Variants in LYRM4 observed in about 807,000 individuals in gnomAD.
LYRM4 encodes LYR motif-containing protein 4.
Under a neutral mutation model 11.7 loss-of-function variants are expected in LYRM4, and 9 were observed. The observed-to-expected ratio is 0.77, with a 90% CI of 0.46 to 1.34. The LOEUF (loss-of-function observed/expected upper bound fraction) is 1.34, where lower values mean the gene tolerates loss of function less well. Ranked by LOEUF, LYRM4 falls within the 40% of genes most tolerant of loss-of-function variation. The pLI, the probability that LYRM4 is intolerant of heterozygous loss-of-function variation, is 0.00. For missense variants in LYRM4, 133 were observed against 112.5 expected (o/e 1.18, Z -0.82); for synonymous variants, 42 against 40.4 (o/e 1.04, Z -0.15).
chr6:5,145,060 C>T (rs1462603968), intron 2 of LYRM4, among the ~76,000 whole-genome samples: 2 of 152,186 alleles, frequency 1.3e-5, no homozygotes, highest in Admixed American at 6.5e-5. Context: ...CCAGGCCTGG[C>T]GCTGGAAGAG....
At chr6:5,044,619 C>T in the LYRM4 span, among the ~76,000 whole-genome samples, 5 of 152,054 alleles carry the variant, frequency 3.3e-5, no homozygotes, top group African/African-American at 7.2e-5. Flanking sequence ...TTTCCTTCCT[C>T]GGCCCTGATT....
chr6:5,037,566 T>C, the LYRM4 span, among the ~76,000 whole-genome samples: 4 of 81,980 alleles, frequency 4.9e-5, no homozygotes, highest in Admixed American at 1.6e-4. Flanking sequence ...GAGGGGCTCC[T>C]CACTTCCCAG....
chr6:5,083,621 A>G, the LYRM4 span, among the ~76,000 whole-genome samples: 1 of 152,176 alleles, frequency 6.6e-6, no homozygotes, highest in Non-Finnish European at 1.5e-5. Context: ...GTTGTGTCCT[A>G]TATGTAGGCA....
rs529506055 is a variant in LYRM4 at position 5,239,488 on chromosome 6, A to C, written c.86+21160T>G. 2.0e-5 allele frequency among the ~76,000 whole-genome samples: 3 copies of C among 152,190 alleles called. No individual in the cohort carries two copies. In the East Asian group the frequency reaches 5.8e-4, roughly 30 times the overall value. ...AAGGTTGGAGCCATGAGTTGTGGGC[A>C]TCTAGGGAGGGTGTGGGAAGGTCAA... On this transcript the variant is annotated intron_variant, in intron 1 of 2. Coordinates refer to ENST00000330636, the MANE Select transcript of LYRM4 (RefSeq NM_020408.6).
intron 2 of LYRM4, chr6:5,113,453 A>G: frequency 3.0e-6 from 1 of 331,148 alleles, no homozygotes; most frequent in African/African-American, 2.2e-5. Flanking sequence ...AGGTGATTCC[A>G]GCTTGGAAGG....
At chr6:5,255,500 CT>C (rs68013961) in intron 1 of LYRM4, among the ~76,000 whole-genome samples, 2 of 151,130 alleles carry the variant, frequency 1.3e-5, no homozygotes, top group East Asian at 1.9e-4. Flanking sequence ...TTTTTAAAAG[CT>C]TTTTTTTTCT....
intron 2 of LYRM4, among the ~76,000 whole-genome samples, chr6:5,149,935 T>C (rs1206802615): frequency 6.6e-6 from 1 of 152,196 alleles, no homozygotes; most frequent in South Asian, 2.1e-4. Context: ...CATCCATCAC[T>C]TTAAAATAAT....
intron 1 of LYRM4, among the ~76,000 whole-genome samples, chr6:5,237,675 C>T (rs138791796): frequency 6.6e-6 from 1 of 152,160 alleles, no homozygotes; most frequent in African/African-American, 2.4e-5. Flanking sequence ...TGAAGGATTG[C>T]CTAAAAGACA....
intron 2 of LYRM4, among the ~76,000 whole-genome samples, chr6:5,126,976 C>T (rs975916952): frequency 4.6e-5 from 7 of 152,158 alleles, no homozygotes; most frequent in African/African-American, 2.4e-5. Flanking sequence ...TTATTTGAGA[C>T]AGTCTCACTG....
chr6:5,129,982 G>T (rs1210458462), intron 2 of LYRM4, among the ~76,000 whole-genome samples: 1 of 152,216 alleles, frequency 6.6e-6, no homozygotes, highest in African/African-American at 2.4e-5. Flanking sequence ...TAAGTACTTG[G>T]AATATGCTTT....
In LYRM4 at chr6:5,136,171, G is replaced by A. The variant is rs144152091; in HGVS notation, c.208-26680C>T. On this transcript the variant is annotated intron_variant, in intron 2 of 2. Transcript: ENST00000330636. ...GTCTGTTGAGGGACACTGGGTTGCT[G>A]TTGTGAATAATACTGCTCTGAACAC... The A allele has an allele frequency of 4.7e-4, 257 of 551,998 alleles. No homozygotes were observed. In the African/African-American group the frequency reaches 5.0e-3, roughly 11 times the overall value. 34.2% of individuals were successfully genotyped at this position (551,998 alleles called of 1,614,324 possible). A position where few individuals can be genotyped will look rare whatever the true frequency, so the allele number is the denominator to read the frequency against.
At chr6:5,086,867 G>A in the LYRM4 span, 1 of 412,312 alleles carries the variant, frequency 2.4e-6, no homozygotes, top group East Asian at 4.3e-5. Flanking sequence ...TCCAAGGCCC[G>A]GAGCAGCTGC....
intron 2 of LYRM4, among the ~76,000 whole-genome samples, chr6:5,212,239 G>A (rs1166206939): frequency 6.6e-6 from 1 of 152,178 alleles, no homozygotes; most frequent in East Asian, 1.9e-4. Flanking sequence ...AATAAGCCAG[G>A]GCAGTTTACT....
Position 5,216,699 on chromosome 6 carries a change from T to C in LYRM4, c.126A>G (p.Glu42=), listed in dbSNP as rs955098565. 2.5e-6 allele frequency: 4 copies of C among 1,613,786 alleles called. No homozygotes were observed. The African/African-American group carries it at 4.0e-5, about 16-fold the overall frequency. The change falls in exon 2 of 3, where the codon GAA becomes GAG. Residue 42 remains glutamate (E), a synonymous_variant. Coordinates refer to ENST00000330636, the MANE Select transcript of LYRM4 (RefSeq NM_020408.6). Reference sequence around the variant, plus strand: ...CTACAGGATCCTTTACATTTTTATTTTCTCTGAAGGCATCTCTTATCCTCC... The same window carrying C: ...CTACAGGATCCTTTACATTTTTATTCTCTCTGAAGGCATCTCTTATCCTCC... ...AVRRIRDAFR[E]NKNVKDPVEI...
At chr6:5,085,255 C>T in the LYRM4 span, 25 of 461,854 alleles carry the variant, frequency 5.4e-5, no homozygotes, top group African/African-American at 4.9e-4. Flanking sequence ...GCGGCGTGGC[C>T]CCGGAGCCGG....
At chr6:5,123,216 C>T (rs1227521828) in intron 2 of LYRM4, among the ~76,000 whole-genome samples, 4 of 152,292 alleles carry the variant, frequency 2.6e-5, no homozygotes, top group South Asian at 2.1e-4. Context: ...ACTTGACCCT[C>T]GCTCAGCACA....
At chr6:5,158,999 C>A (rs1382636083) in intron 2 of LYRM4, among the ~76,000 whole-genome samples, 1 of 152,166 alleles carries the variant, frequency 6.6e-6, no homozygotes, top group Non-Finnish European at 1.5e-5. Context: ...GAAGGTGGAC[C>A]TCGGCTGGGC....
chr6:5,219,090 T>C lies in LYRM4; in HGVS notation c.87-2352A>G, dbSNP rs193117311. On this transcript the variant is annotated intron_variant, in intron 1 of 2. Transcript: ENST00000330636. ...TCATTTCGTATGCTGCATGGGCTTCTTGGAAAAACAAAATGGGCAACAGTA... is the reference window on the plus strand; with the variant it reads ...TCATTTCGTATGCTGCATGGGCTTCCTGGAAAAACAAAATGGGCAACAGTA... Among the ~76,000 whole-genome samples, 86 of 152,342 alleles carry C rather than the reference T, an allele frequency of 5.6e-4. 1 individual carries two copies. The highest frequency in any genetic ancestry group is 5.2e-3 in the Admixed American group (79 of 15,306).
intron 2 of LYRM4, among the ~76,000 whole-genome samples, chr6:5,114,508 C>T (rs2127596317): frequency 6.6e-6 from 1 of 152,184 alleles, no homozygotes; most frequent in South Asian, 2.1e-4. Context: ...TGATCTGTGC[C>T]CCGTGGCAAG....
Sources: allele counts gnomAD v4.1 joint callset (sites outside exome capture counted in the v4.1 genomes callset), GRCh38; gene constraint gnomAD v4.1.1; transcripts MANE v1.5; gene names NCBI Gene and HGNC (gene_info 2026-07-23, HGNC 2026-07-21).